Variants in RBMS3 observed in about 807,000 individuals in gnomAD.
RBMS3 encodes RNA binding motif single stranded interacting protein 3.
RBMS3 carries 27 observed loss-of-function variants against 66.8 expected under a neutral mutation model. That is an observed-to-expected ratio of 0.40 (90% CI 0.30 to 0.56). The LOEUF is 0.56. RBMS3 is among the 20% of genes least tolerant of loss of function. The probability of loss-of-function intolerance (pLI) is 0.40; values close to 1 mark genes in which losing one functional copy is unlikely to be tolerated. For missense variants in RBMS3, 513 were observed against 549.5 expected (o/e 0.93, Z 0.66); for synonymous variants, 188 against 183.0 (o/e 1.03, Z -0.22).
chr3:29,885,422 A>G (rs1331473311), intron 8 of RBMS3, among the ~76,000 whole-genome samples: 1 of 151,982 alleles, frequency 6.6e-6, no homozygotes, highest in Non-Finnish European at 1.5e-5. Flanking sequence ...AAAGTCCTCT[A>G]GAATTATATT....
chr3:30,000,260 C>T (rs183172287), intron 14 of RBMS3, among the ~76,000 whole-genome samples: 2 of 152,228 alleles, frequency 1.3e-5, no homozygotes, highest in Admixed American at 6.5e-5. Flanking sequence ...CAAAAGAAGA[C>T]ATTTATGCAG....
intron 4 of RBMS3, among the ~76,000 whole-genome samples, chr3:29,611,609 C>T (rs533515533): frequency 4.7e-4 from 72 of 151,788 alleles, no homozygotes; most frequent in Middle Eastern, 3.4e-3. Flanking sequence ...TTCATAAGTT[C>T]GTAATTCAAG....
At chr3:29,702,787 A>G (rs1215679519) in intron 4 of RBMS3, among the ~76,000 whole-genome samples, 3 of 152,160 alleles carry the variant, frequency 2.0e-5, no homozygotes, top group East Asian at 1.9e-4. Context: ...AACCCACCAG[A>G]AGGAAGAAAC....
chr3:29,868,736 T>G (rs139720038), intron 6 of RBMS3, 122 bp from the exon 7 acceptor site: 5 of 874,404 alleles, frequency 5.7e-6, no homozygotes, highest in Non-Finnish European at 7.0e-6. Context: ...GGGCCAAATA[T>G]CTCTTCAGAA....
intron 14 of RBMS3, among the ~76,000 whole-genome samples, chr3:30,000,706 G>A (rs1207657489): frequency 6.6e-6 from 1 of 152,150 alleles, no homozygotes; most frequent in Admixed American, 6.5e-5. Context: ...ATACCATGCA[G>A]TCATAAAAAG....
chr3:29,742,354 G>C (rs2054685852), intron 5 of RBMS3, among the ~76,000 whole-genome samples: 1 of 152,082 alleles, frequency 6.6e-6, no homozygotes, highest in Non-Finnish European at 1.5e-5. Flanking sequence ...ATCTCATCAT[G>C]TCAGGGTCCT....
chr3:29,692,020 G>T (rs1297682732), intron 4 of RBMS3, among the ~76,000 whole-genome samples: 3 of 138,636 alleles, frequency 2.2e-5, no homozygotes, highest in Non-Finnish European at 4.6e-5. Context: ...CACAATCTCA[G>T]CTCACTGCAA....
chr3:29,588,194 G>T (rs1438171487), intron 4 of RBMS3, among the ~76,000 whole-genome samples: 1 of 151,876 alleles, frequency 6.6e-6, no homozygotes, highest in Non-Finnish European at 1.5e-5. Flanking sequence ...TAAAATGATG[G>T]CCATTTAGGA....
intron 4 of RBMS3, among the ~76,000 whole-genome samples, chr3:29,669,722 C>T (rs1284263373): frequency 1.3e-5 from 2 of 152,124 alleles, no homozygotes; most frequent in Admixed American, 6.6e-5. Flanking sequence ...CCTCATTCCA[C>T]TTTCTTCCTC....
intron 6 of RBMS3, among the ~76,000 whole-genome samples, chr3:29,798,181 AAAATAATAAT>A (rs1458816468): frequency 6.6e-6 from 1 of 151,022 alleles, no homozygotes; most frequent in Non-Finnish European, 1.5e-5. Context: ...CATCACAGAT[AAAATAATAAT>A]AAAGCTTGAA....
intron 1 of RBMS3, among the ~76,000 whole-genome samples, chr3:29,422,518 T>C (rs1410539212): frequency 6.6e-6 from 1 of 151,992 alleles, no homozygotes; most frequent in African/African-American, 2.4e-5. Context: ...ACTTAAAATA[T>C]ACTGAAAATG....
chr3:29,893,432 AT>A (rs1179185092), intron 8 of RBMS3, among the ~76,000 whole-genome samples: 3 of 151,402 alleles, frequency 2.0e-5, no homozygotes, highest in Non-Finnish European at 4.4e-5. Flanking sequence ...CAATTGGCGC[AT>A]TTTACAAAGT....
At chr3:29,432,311 A>G (rs541920313) in intron 1 of RBMS3, among the ~76,000 whole-genome samples, 2 of 152,290 alleles carry the variant, frequency 1.3e-5, no homozygotes, top group East Asian at 3.9e-4. Flanking sequence ...GATATGGGGT[A>G]ATTGTATTGG....
At chr3:29,290,337 C>G (rs1003687940) in intron 1 of RBMS3, among the ~76,000 whole-genome samples, 11 of 151,796 alleles carry the variant, frequency 7.2e-5, no homozygotes, top group African/African-American at 2.7e-4. Context: ...AATCTCATCT[C>G]CATCTTTATG....
chr3:29,541,689 A>G (rs1254423070), intron 3 of RBMS3, among the ~76,000 whole-genome samples: 2 of 152,182 alleles, frequency 1.3e-5, no homozygotes, highest in Admixed American at 6.5e-5. Context: ...CCTGTCCTCA[A>G]AACAACTCCA....
At chr3:29,933,115 T>G (rs2061173119) in intron 10 of RBMS3, among the ~76,000 whole-genome samples, 1 of 152,168 alleles carries the variant, frequency 6.6e-6, no homozygotes, top group Non-Finnish European at 1.5e-5. Flanking sequence ...GTGAACTCTG[T>G]CAGACACCAC....
intron 14 of RBMS3, among the ~76,000 whole-genome samples, chr3:29,997,036 A>G (rs1308184639): frequency 6.6e-6 from 1 of 151,618 alleles, no homozygotes; most frequent in Non-Finnish European, 1.5e-5. Context: ...CTAATAAAGA[A>G]AAAAAGAGAG....
At chr3:29,496,195 CAA>C (rs60639896) in intron 3 of RBMS3, among the ~76,000 whole-genome samples, 15,392 of 110,284 alleles carry the variant, frequency 0.14, 881 homozygotes, top group African/African-American at 0.21. Flanking sequence ...CCGCCCACAT[CAA>C]AAAAAAAAAA....
rs2052486014 is a variant in RBMS3 at position 29,700,079 on chromosome 3, G to A, written c.400-39641G>A. Reference sequence around the variant, plus strand: ...AAGAGACTTTCTAAGGTAGATGCTCGGTTTAGGCTATTTTGGCCACATCCC... The same window carrying A: ...AAGAGACTTTCTAAGGTAGATGCTCAGTTTAGGCTATTTTGGCCACATCCC... On this transcript the variant is annotated intron_variant, in intron 4 of 14. Transcript: ENST00000383767. Among the ~76,000 whole-genome samples, 4 of 152,112 alleles carry A rather than the reference G, an allele frequency of 2.6e-5. 1 individual carries two copies. The South Asian group carries it at 8.3e-4, about 31-fold the overall frequency.
Sources: allele counts gnomAD v4.1 joint callset (sites outside exome capture counted in the v4.1 genomes callset), GRCh38; gene constraint gnomAD v4.1.1; transcripts MANE v1.5; gene names NCBI Gene and HGNC (gene_info 2026-07-23, HGNC 2026-07-21).